LHFPL6: variants seen among roughly 807,000 people sequenced by gnomAD.
LHFPL6 encodes the protein LHFPL tetraspan subfamily member 6, also known as LHFPL tetraspan subfamily member 6 protein.
LHFPL6 carries 9 observed loss-of-function variants against 20.6 expected under a neutral mutation model. That is an observed-to-expected ratio of 0.44 (90% CI 0.26 to 0.76). The LOEUF (loss-of-function observed/expected upper bound fraction) is 0.76. LHFPL6 is among the 30% of genes least tolerant of loss of function. The pLI is 0.20. For missense variants in LHFPL6, 218 were observed against 253.5 expected (o/e 0.86, Z 0.95); for synonymous variants, 105 against 98.7 (o/e 1.06, Z -0.38).
chr13:39,411,574 C>T (rs1359519155), intron 2 of LHFPL6, among the ~76,000 whole-genome samples: 3 of 152,158 alleles, frequency 2.0e-5, no homozygotes, highest in Admixed American at 1.3e-4. Flanking sequence ...GTTTATCTCA[C>T]GAGGACCCTT....
At chr13:39,555,605 T>C (rs531082327) in intron 2 of LHFPL6, among the ~76,000 whole-genome samples, 13 of 152,294 alleles carry the variant, frequency 8.5e-5, no homozygotes, top group African/African-American at 3.1e-4. Context: ...TTGAAACTGG[T>C]GTTCACAATA....
At chr13:39,392,486 TGGGAGGCTAA>T (rs1870735584) in intron 2 of LHFPL6, among the ~76,000 whole-genome samples, 1 of 151,934 alleles carries the variant, frequency 6.6e-6, no homozygotes, top group African/African-American at 2.4e-5. Context: ...CCCAGCTACT[TGGGAGGCTAA>T]GGCAGGAGAA....
intron 2 of LHFPL6, 44 bp downstream of exon 2, chr13:39,600,788 C>T (rs368984132): frequency 6.9e-7 from 1 of 1,446,794 alleles, no homozygotes; most frequent in Non-Finnish European, 9.1e-7. Context: ...TTTAATACTG[C>T]TTTGGGATTC....
At chr13:39,485,529 T>G (rs575191944) in intron 2 of LHFPL6, among the ~76,000 whole-genome samples, 1 of 152,306 alleles carries the variant, frequency 6.6e-6, no homozygotes, top group African/African-American at 2.4e-5. Context: ...AGAGCCCTGA[T>G]AGAATTCTGG....
At chr13:39,521,143 A>ATGCTTT (rs1463084760) in intron 2 of LHFPL6, among the ~76,000 whole-genome samples, 4 of 152,198 alleles carry the variant, frequency 2.6e-5, no homozygotes, top group African/African-American at 9.6e-5. Context: ...AGCATAAGGT[A>ATGCTTT]CCTGCAGCCT....
chr13:39,468,194 T>C (rs1872852249), intron 2 of LHFPL6, among the ~76,000 whole-genome samples: 1 of 152,236 alleles, frequency 6.6e-6, no homozygotes, highest in African/African-American at 2.4e-5. Context: ...AAACCCATTG[T>C]GATCTGTGCA....
chr13:39,401,318 CCT>C (rs1346239711), intron 2 of LHFPL6, among the ~76,000 whole-genome samples: 1 of 152,302 alleles, frequency 6.6e-6, no homozygotes, highest in East Asian at 1.9e-4. Context: ...TTTGTTCCTC[CCT>C]CTCTGTCTCT....
At chr13:39,385,967 T>C (rs1870553402) in intron 2 of LHFPL6, among the ~76,000 whole-genome samples, 1 of 151,320 alleles carries the variant, frequency 6.6e-6, no homozygotes, top group African/African-American at 2.5e-5. Context: ...TGGAATGACT[T>C]TTTCCACCCT....
chr13:39,499,733 G>A (rs1869229013), intron 2 of LHFPL6, among the ~76,000 whole-genome samples: 1 of 152,214 alleles, frequency 6.6e-6, no homozygotes, highest in African/African-American at 2.4e-5. Flanking sequence ...GCACAGAGAT[G>A]GTAAGAAGAG....
intron 2 of LHFPL6, among the ~76,000 whole-genome samples, chr13:39,447,140 C>T (rs1327331277): frequency 6.6e-6 from 1 of 152,102 alleles, no homozygotes; most frequent in Non-Finnish European, 1.5e-5. Flanking sequence ...GTGCCAACAT[C>T]CTAATAAGGC....
chr13:39,577,557 G>A (rs1034098252), intron 2 of LHFPL6, among the ~76,000 whole-genome samples: 1 of 152,168 alleles, frequency 6.6e-6, no homozygotes, highest in Non-Finnish European at 1.5e-5. Context: ...ATCTATGAGA[G>A]GCAGTCTGGT....
chr13:39,472,621 G>C (rs116510948), intron 2 of LHFPL6, among the ~76,000 whole-genome samples: 1 of 151,578 alleles, frequency 6.6e-6, no homozygotes, highest in African/African-American at 2.4e-5. Context: ...TAATTTTTTT[G>C]TGTGTGTGAT....
intron 2 of LHFPL6, among the ~76,000 whole-genome samples, chr13:39,394,453 G>C (rs1433161956): frequency 6.6e-6 from 1 of 152,154 alleles, no homozygotes; most frequent in Non-Finnish European, 1.5e-5. Context: ...AAATGTAATA[G>C]TTGAAAGGCA....
rs1873011157 is a variant in LHFPL6, at chr13:39,602,874, T to C, written c.-175+9A>G. 4 of 152,262 alleles carry C rather than the reference T, an allele frequency of 2.6e-5. No individual in the cohort carries two copies. The South Asian group carries it at 8.3e-4, about 32-fold the overall frequency. 9.4% of individuals were successfully genotyped at this position (152,262 alleles called of 1,614,324 possible). On this transcript the variant is annotated intron_variant, in intron 1 of 3. Transcript: ENST00000379589. ...CCACGCCCACGGGGCAGCCGAGTGA[T>C]TTACTTACATGGCTGGCGGGCGGCG...
intron 2 of LHFPL6, among the ~76,000 whole-genome samples, chr13:39,500,186 G>T (rs980586692): frequency 6.6e-6 from 1 of 151,704 alleles, no homozygotes; most frequent in Non-Finnish European, 1.5e-5. Context: ...TTTTATTGGG[G>T]TTGTTTGTTT....
At chr13:39,466,508 C>A (rs904111120) in intron 2 of LHFPL6, among the ~76,000 whole-genome samples, 16 of 152,304 alleles carry the variant, frequency 1.1e-4, no homozygotes, top group Middle Eastern at 6.8e-3. Flanking sequence ...ATGGCTACTA[C>A]ACAGGTCTTG....
intron 2 of LHFPL6, among the ~76,000 whole-genome samples, chr13:39,395,712 T>G (rs1206938884): frequency 1.3e-5 from 2 of 152,192 alleles, no homozygotes; most frequent in African/African-American, 2.4e-5. Context: ...TTTACAAGAA[T>G]GAATTTCCCA....
At chr13:39,452,806 C>T (rs1189604417) in intron 2 of LHFPL6, among the ~76,000 whole-genome samples, 1 of 152,224 alleles carries the variant, frequency 6.6e-6, no homozygotes, top group African/African-American at 2.4e-5. Context: ...ATTATTGGGA[C>T]AGCCACTCCA....
At chr13:39,395,113 T>A (rs1870810338) in intron 2 of LHFPL6, among the ~76,000 whole-genome samples, 1 of 152,136 alleles carries the variant, frequency 6.6e-6, no homozygotes, top group South Asian at 2.1e-4. Context: ...GAAACTATCA[T>A]CAGCTGCAAA....
Sources: allele counts gnomAD v4.1 joint callset (sites outside exome capture counted in the v4.1 genomes callset), GRCh38; gene constraint gnomAD v4.1.1; transcripts MANE v1.5; gene names NCBI Gene and HGNC (gene_info 2026-07-23, HGNC 2026-07-21).